AR: variants seen among roughly 807,000 people sequenced by gnomAD.
The protein encoded by AR is androgen receptor.
AR carries 8 observed loss-of-function variants against 53.9 expected under a neutral mutation model. The observed-to-expected ratio is 0.15, with a 90% CI of 0.09 to 0.27. The LOEUF (loss-of-function observed/expected upper bound fraction) is 0.27. Among genes scored for constraint, AR ranks in the 10% least tolerant of loss-of-function variants. The pLI is 1.00. For missense variants in AR, 639 were observed against 742.5 expected (o/e 0.86, Z 1.62); for synonymous variants, 359 against 316.4 (o/e 1.13, Z -1.43).
intron 1 of AR, among the ~76,000 whole-genome samples, chrX:67,635,128 T>C (rs1418689733): frequency 9.1e-6 from 1 of 110,401 alleles, no homozygotes; most frequent in African/African-American, 3.3e-5. Flanking sequence ...TTTAGGATAT[T>C]AGATATTTCA....
intron 3 of AR, among the ~76,000 whole-genome samples, chrX:67,688,278 A>G (rs2075977733): frequency 9.0e-6 from 1 of 111,723 alleles, no homozygotes. Flanking sequence ...CTTTAGAGTC[A>G]GGCAGATCTA....
intron 2 of AR, among the ~76,000 whole-genome samples, chrX:67,663,345 G>A: frequency 8.9e-6 from 1 of 111,908 alleles, no homozygotes; most frequent in African/African-American, 3.2e-5. Flanking sequence ...CTCAGCATTT[G>A]CTTGTCTGTA....
At chrX:67,722,094 T>G in intron 6 of AR, 131 bp downstream of exon 6, 1 of 768,614 alleles carries the variant, frequency 1.3e-6, no homozygotes, top group Non-Finnish European at 1.9e-6. Flanking sequence ...CCCCTCCCCA[T>G]CCCCACTCTA....
rs373151625 is a variant in AR at position 67,723,354 on chromosome X, C to CAGAG, written c.2608-310_2608-307dup. ...TGTGTGTGTGTGTGTGTGTGTGTGT[C>CAGAG]AGAGAGAGAGAGAGAGAGAGAGAGA... On this transcript the variant is annotated intron_variant, in intron 7 of 7. Transcript: ENST00000374690. 3.3e-4 allele frequency among the ~76,000 whole-genome samples: 16 copies of CAGAG among 49,049 alleles called. No individual in the cohort carries two copies. In the East Asian group the frequency reaches 7.1e-3, roughly 22 times the overall value. 42.6% of individuals were successfully genotyped at this position (49,049 alleles called of 115,157 possible).
rs1409637229 is a variant in AR, at chrX:67,724,472, T to C, written c.*631T>C. 5.8e-6 allele frequency: 1 copy of C among 173,412 alleles called. No homozygotes were observed. Among genetic ancestry groups the C allele is most frequent in the Non-Finnish European group, 1.1e-5 (1 of 91,533 alleles). 14.3% of individuals were successfully genotyped at this position (173,412 alleles called of 1,213,427 possible). ...GGCCCATGGGGAGTTACTGATTTTT[T>C]CATCTCCTCCCTCCACGGGAGACTT... On this transcript the variant is annotated 3_prime_UTR_variant, in exon 8 of 8. Transcript: ENST00000374690.
intron 1 of AR, among the ~76,000 whole-genome samples, chrX:67,564,466 G>A: frequency 8.9e-6 from 1 of 111,939 alleles, no homozygotes; most frequent in Non-Finnish European, 1.9e-5. Context: ...TGTCATTATT[G>A]GTATGTTCAG....
intron 2 of AR, among the ~76,000 whole-genome samples, chrX:67,652,643 C>T (rs1295936237): frequency 9.0e-6 from 1 of 111,692 alleles, no homozygotes; most frequent in Non-Finnish European, 1.9e-5. Context: ...TTAGCAGAGT[C>T]ACAGAGGTCA....
chrX:67,605,853 A>G (rs1923598718), intron 1 of AR, among the ~76,000 whole-genome samples: 1 of 111,896 alleles, frequency 8.9e-6, no homozygotes, highest in South Asian at 3.7e-4. Context: ...TTGCCTCAAA[A>G]TGGGCATATA....
At chrX:67,714,937 AAGC>A (rs1372659989) in intron 4 of AR, among the ~76,000 whole-genome samples, 1 of 111,861 alleles carries the variant, frequency 8.9e-6, no homozygotes, top group African/African-American at 3.3e-5. Flanking sequence ...TTTGAGTGCT[AAGC>A]AGCTCTCATT....
chrX:67,567,664 G>T (rs1053943211), intron 1 of AR, among the ~76,000 whole-genome samples: 14 of 111,793 alleles, frequency 1.3e-4, no homozygotes, highest in Non-Finnish European at 2.1e-4. Context: ...AAATACTAGG[G>T]TTTGTGTCCA....
In AR at chrX:67,727,105, GCTCGCCTAGGCCCAGC is replaced by G. The variant is rs2076160898; in HGVS notation, c.*3268_*3283del. On this transcript the variant is annotated 3_prime_UTR_variant, in exon 8 of 8. Coordinates refer to ENST00000374690, the MANE Select transcript of AR (RefSeq NM_000044.6). ...AGTTTCAGCTCTCGTTCATTGGGCA[GCTCGCCTAGGCCCAGC>G]CTCTGAGCTGACATGGGAGTTGTTG... is the stretch of plus-strand genomic sequence containing the variant. 1 of 172,046 alleles carries G rather than the reference GCTCGCCTAGGCCCAGC, an allele frequency of 5.8e-6. No individual in the cohort carries two copies. The highest frequency in any genetic ancestry group is 7.8e-5 in the Admixed American group (1 of 12,743). The allele number at this position is 172,046 out of a possible 1,213,427, so 14.2% of individuals were successfully genotyped here.
chrX:67,602,294 C>G (rs1923408403), intron 1 of AR, among the ~76,000 whole-genome samples: 1 of 111,681 alleles, frequency 9.0e-6, no homozygotes, highest in African/African-American at 3.3e-5. Context: ...AGTTAAAATC[C>G]TAGCTGCACT....
In AR at chrX:67,723,667, C is replaced by T. The variant is rs767062888; in HGVS notation, c.2608-19C>T. 3 of 1,206,455 alleles carry T rather than the reference C, an allele frequency of 2.5e-6. No homozygotes were observed. The highest frequency in any genetic ancestry group is 1.8e-5 in the South Asian group (1 of 56,535). ...CTCCTTGTCAACCCTGTTTTTCTCCCTCTTATTGTTCCCTACAGATTGCGA... is the reference window on the plus strand; with the variant it reads ...CTCCTTGTCAACCCTGTTTTTCTCCTTCTTATTGTTCCCTACAGATTGCGA... On this transcript the variant is annotated intron_variant, in intron 7 of 7. Coordinates refer to ENST00000374690, the MANE Select transcript of AR (RefSeq NM_000044.6).
At chrX:67,690,397 C>T (rs943873999) in intron 3 of AR, among the ~76,000 whole-genome samples, 1 of 111,705 alleles carries the variant, frequency 9.0e-6, no homozygotes, top group African/African-American at 3.3e-5. Flanking sequence ...TTGTTGAAGA[C>T]AGCCCTGATG....
At chrX:67,614,717 A>C (rs1296991504) in intron 1 of AR, among the ~76,000 whole-genome samples, 1 of 111,684 alleles carries the variant, frequency 9.0e-6, no homozygotes, top group African/African-American at 3.2e-5. Flanking sequence ...ATTATATGAA[A>C]AAATCAACAA....
At chrX:67,600,201 C>G (rs1252844847) in intron 1 of AR, among the ~76,000 whole-genome samples, 2 of 111,103 alleles carry the variant, frequency 1.8e-5, no homozygotes, top group African/African-American at 3.3e-5. Flanking sequence ...ATGGTATACA[C>G]CCCTGCACAG....
At chrX:67,634,368 G>A (rs777911581) in intron 1 of AR, among the ~76,000 whole-genome samples, 44 of 111,459 alleles carry the variant, frequency 3.9e-4, no homozygotes, top group African/African-American at 1.3e-3. Context: ...CACTGTGTCC[G>A]CAGTGGTGTG....
intron 3 of AR, among the ~76,000 whole-genome samples, chrX:67,691,911 C>T (rs1198760630): frequency 1.8e-5 from 2 of 112,155 alleles, no homozygotes; most frequent in Non-Finnish European, 3.8e-5. Flanking sequence ...TCTGCAGGTA[C>T]ATATTCCTGG....
rs185889057 is a variant in AR, at chrX:67,574,404, G to A, written c.1616+27642G>A. On this transcript the variant is annotated intron_variant, in intron 1 of 7. Coordinates refer to ENST00000374690, the MANE Select transcript of AR (RefSeq NM_000044.6). ...TTCCAGAAACACCCTATATCAAAATGGAAATATACTCAAGTGCCCCAATGA... is the reference window on the plus strand; with the variant it reads ...TTCCAGAAACACCCTATATCAAAATAGAAATATACTCAAGTGCCCCAATGA... Among the ~76,000 whole-genome samples the A allele has an allele frequency of 1.2e-4, 13 of 110,600 alleles. No homozygotes were observed. The East Asian group carries it at 3.2e-3, about 27-fold the overall frequency.
Sources: allele counts gnomAD v4.1 joint callset (sites outside exome capture counted in the v4.1 genomes callset), GRCh38; gene constraint gnomAD v4.1.1; transcripts MANE v1.5; gene names NCBI Gene and HGNC (gene_info 2026-07-23, HGNC 2026-07-21).